Variants in CNTNAP5 observed in about 807,000 individuals in gnomAD.
The protein encoded by CNTNAP5 is contactin associated protein family member 5.
In CNTNAP5, 72 loss-of-function variants were observed where a neutral mutation model predicts 150.2. That is an observed-to-expected ratio of 0.48 (90% CI 0.40 to 0.58). CNTNAP5 has a LOEUF of 0.58. Ranked by LOEUF, CNTNAP5 falls within the 20% of genes least tolerant of loss-of-function variation. The pLI, the probability that CNTNAP5 is intolerant of heterozygous loss-of-function variation, is 0.00. For missense variants in CNTNAP5, 1,636 were observed against 1,626.2 expected (o/e 1.01, Z -0.10); for synonymous variants, 672 against 619.8 (o/e 1.08, Z -1.25).
chr2:124,526,005 G>A lies in CNTNAP5; in HGVS notation c.1478-1280G>A, dbSNP rs560746847. On this transcript the variant is annotated intron_variant, in intron 9 of 23. Transcript: ENST00000682447. ...GTCCGAAAAGATAACCTCACAGACCGAATAATTTTGCATCTTATGCAATAT... is the reference window on the plus strand; with the variant it reads ...GTCCGAAAAGATAACCTCACAGACCAAATAATTTTGCATCTTATGCAATAT... Among the ~76,000 whole-genome samples, 26 of 152,276 alleles carry A rather than the reference G, an allele frequency of 1.7e-4. No individual in the cohort carries two copies. In the East Asian group the frequency reaches 4.4e-3, roughly 26 times the overall value.
At chr2:124,164,094 A>G (rs1684753666) in intron 1 of CNTNAP5, among the ~76,000 whole-genome samples, 1 of 152,108 alleles carries the variant, frequency 6.6e-6, no homozygotes, top group Non-Finnish European at 1.5e-5. Context: ...ATGCATGCCA[A>G]ATGTTAGAGA....
intron 3 of CNTNAP5, among the ~76,000 whole-genome samples, chr2:124,369,903 C>T (rs976613731): frequency 6.6e-6 from 1 of 152,040 alleles, no homozygotes; most frequent in Non-Finnish European, 1.5e-5. Flanking sequence ...TCACTAGTAC[C>T]CTGCTGTGTG....
At chr2:124,286,927 C>T (rs569964054) in intron 3 of CNTNAP5, among the ~76,000 whole-genome samples, 6 of 152,248 alleles carry the variant, frequency 3.9e-5, no homozygotes, top group African/African-American at 1.4e-4. Context: ...GATCAATACC[C>T]AAGTTTAATA....
At chr2:124,510,985 A>G (rs1476620330) in intron 8 of CNTNAP5, among the ~76,000 whole-genome samples, 1 of 152,006 alleles carries the variant, frequency 6.6e-6, no homozygotes, top group Non-Finnish European at 1.5e-5. Context: ...TGCCATGGGG[A>G]CCTCTCACAT....
chr2:124,280,746 T>C (rs1025208602), intron 3 of CNTNAP5, among the ~76,000 whole-genome samples: 57 of 151,970 alleles, frequency 3.8e-4, no homozygotes, highest in African/African-American at 1.4e-3. Flanking sequence ...TCCCATCTTG[T>C]TACATGACCC....
chr2:124,796,712 C>A (rs1681853713), intron 18 of CNTNAP5, among the ~76,000 whole-genome samples: 1 of 152,146 alleles, frequency 6.6e-6, no homozygotes, highest in African/African-American at 2.4e-5. Flanking sequence ...ATTGTAGGTG[C>A]CACTAACTCA....
intron 3 of CNTNAP5, among the ~76,000 whole-genome samples, chr2:124,403,918 T>G (rs2104761335): frequency 6.6e-6 from 1 of 152,244 alleles, no homozygotes; most frequent in East Asian, 1.9e-4. Context: ...TTTCTAAAAC[T>G]ATCAGGTCTC....
intron 17 of CNTNAP5, 108 bp from the exon 18 acceptor site, chr2:124,789,794 C>T (rs1194787196): frequency 5.0e-6 from 5 of 1,001,642 alleles, no homozygotes; most frequent in East Asian, 2.7e-5. Context: ...TAATTTAGAC[C>T]TTCATGACAA....
chr2:124,139,937 G>C (rs532401457), intron 1 of CNTNAP5, among the ~76,000 whole-genome samples: 25 of 152,262 alleles, frequency 1.6e-4, no homozygotes, highest in South Asian at 4.1e-4. Flanking sequence ...TGCGCGCACC[G>C]TGCACGAGCC....
chr2:124,418,363 G>A (rs11123041), intron 4 of CNTNAP5, among the ~76,000 whole-genome samples: 23,595 of 152,056 alleles, frequency 0.16, 1,952 homozygotes, highest in Non-Finnish European at 0.19. Context: ...TCCTGTTTTG[G>A]GCTGTAGGAA....
chr2:124,242,922 A>G (rs1423405802), intron 3 of CNTNAP5, among the ~76,000 whole-genome samples: 4 of 152,224 alleles, frequency 2.6e-5, no homozygotes, highest in Non-Finnish European at 1.5e-5. Context: ...AATAATTGAA[A>G]ACTAAAACTA....
At chr2:124,785,382 T>G (rs1179234842) in intron 17 of CNTNAP5, among the ~76,000 whole-genome samples, 3 of 152,212 alleles carry the variant, frequency 2.0e-5, no homozygotes, top group African/African-American at 7.2e-5. Flanking sequence ...AATGAGGAAC[T>G]AACTAGAATT....
At chr2:124,258,475 C>A (rs922518174) in intron 3 of CNTNAP5, among the ~76,000 whole-genome samples, 1 of 152,136 alleles carries the variant, frequency 6.6e-6, no homozygotes, top group African/African-American at 2.4e-5. Context: ...TGGACAAATG[C>A]ATGATGACAT....
rs146741438 is a variant in CNTNAP5, at chr2:124,649,414, C to G, written c.2077+1456C>G. On this transcript the variant is annotated intron_variant, in intron 13 of 23. Coordinates refer to ENST00000682447, the MANE Select transcript of CNTNAP5 (RefSeq NM_001367498.1). ...GGTGCCTGTCTCCAGAAATGCCCTT[C>G]CCTCTTCTCATTGCGTTGTTTCTAG... 5.9e-5 allele frequency among the ~76,000 whole-genome samples: 9 copies of G among 152,254 alleles called. No individual in the cohort carries two copies. In the East Asian group the frequency reaches 7.7e-4, roughly 13 times the overall value.
chr2:124,051,880 G>T (rs774733040), intron 1 of CNTNAP5, among the ~76,000 whole-genome samples: 3 of 152,110 alleles, frequency 2.0e-5, no homozygotes, highest in Non-Finnish European at 4.4e-5. Context: ...GTAGAACAAG[G>T]TGTCTCAAAC....
intron 13 of CNTNAP5, among the ~76,000 whole-genome samples, chr2:124,722,847 G>A (rs1210972092): frequency 6.6e-6 from 1 of 152,146 alleles, no homozygotes; most frequent in African/African-American, 2.4e-5. Context: ...CTTGCAGCTA[G>A]ATAGCTCTAT....
At chr2:124,831,187 A>G (rs1682709515) in intron 19 of CNTNAP5, among the ~76,000 whole-genome samples, 1 of 151,976 alleles carries the variant, frequency 6.6e-6, no homozygotes, top group Non-Finnish European at 1.5e-5. Flanking sequence ...TCTTTTCACA[A>G]CTATATCATG....
rs13010909 is a variant in CNTNAP5, at chr2:124,395,306, A to G, written c.382-22137A>G. Among the ~76,000 whole-genome samples, 4 of 152,178 alleles carry G rather than the reference A, an allele frequency of 2.6e-5. No individual in the cohort carries two copies. In the East Asian group the frequency reaches 7.7e-4, roughly 29 times the overall value. ...CTCCCAAGAAGCAACAGTGTTGAGC[A>G]GAGAGAAAGTTAGTTTGCACAGGGG... On this transcript the variant is annotated intron_variant, in intron 3 of 23. Transcript: ENST00000682447.
At chr2:124,069,198 C>T (rs1352848078) in intron 1 of CNTNAP5, among the ~76,000 whole-genome samples, 3 of 152,088 alleles carry the variant, frequency 2.0e-5, no homozygotes, top group African/African-American at 7.2e-5. Context: ...TTAGCAGTGG[C>T]CTAGCAGAAC....
Sources: gnomAD v4.1 joint callset for allele counts (sites outside exome capture counted in the v4.1 genomes callset) on GRCh38, gnomAD v4.1.1 for gene constraint, MANE v1.5 for transcripts, NCBI Gene and HGNC (gene_info 2026-07-23, HGNC 2026-07-21) for gene names.